The following ERMP1 variants were observed in gnomAD, a reference collection of about 807,000 sequenced individuals.
The protein encoded by ERMP1 is Felix-ina.
In ERMP1, 86 loss-of-function variants were observed where a neutral mutation model predicts 92.0. The observed-to-expected ratio is 0.93, with a 90% CI of 0.79 to 1.12. The LOEUF is 1.12. Ranked by LOEUF, ERMP1 falls within the 50% of genes most tolerant of loss-of-function variation. The pLI, the probability that ERMP1 is intolerant of heterozygous loss-of-function variation, is 0.00. For missense variants in ERMP1, 1,342 were observed against 1,116.3 expected (o/e 1.20, Z -2.88); for synonymous variants, 530 against 412.8 (o/e 1.28, Z -3.44).
intron 5 of ERMP1, 22 bp downstream of exon 5, chr9:5,812,867 G>A (rs751568651): frequency 2.5e-6 from 4 of 1,613,478 alleles, no homozygotes; most frequent in Admixed American, 1.7e-5. Flanking sequence ...TGCACAGTAG[G>A]CCGTAACCAT....
intron 10 of ERMP1, among the ~76,000 whole-genome samples, chr9:5,801,712 G>A (rs977759991): frequency 2.6e-5 from 4 of 152,178 alleles, no homozygotes; most frequent in African/African-American, 9.6e-5. Context: ...GATCTGTTTG[G>A]ACAAAACTCA....
chr9:5,832,849 G>C lies in ERMP1; in HGVS notation c.179C>G (p.Ala60Gly). The change falls in exon 1 of 15, where the codon GCG becomes GGG. Residue 60 changes from alanine (A) to glycine (G), a missense_variant. By Grantham distance (60) the Ala-to-Gly change is moderately conservative. Transcript: ENST00000339450. ...CAGCCCGGTCCCCGCGCCCCTGCTC[G>C]CGCCGCCGCTACCCCCGGGGCTCCT... is the stretch of plus-strand genomic sequence containing the variant. Reference protein sequence around the residue: ...RKRSPGGSGGASRGAGTGLSE... With the variant: ...RKRSPGGSGGGSRGAGTGLSE... The C allele has an allele frequency of 6.6e-7, 1 of 1,504,908 alleles. No homozygotes were observed. The allele number at this position is 1,504,908 out of a possible 1,614,324, so 93.2% of individuals were successfully genotyped here. A position where few individuals can be genotyped will look rare whatever the true frequency, so the allele number is the denominator to read the frequency against.
chr9:5,833,641 GGTCAA>G (rs1474885893), upstream of ERMP1, among the ~76,000 whole-genome samples: 1 of 152,172 alleles, frequency 6.6e-6, no homozygotes, highest in Non-Finnish European at 1.5e-5. Context: ...CTAAGCGCTA[GGTCAA>G]GTCCTTTAAT....
At chr9:5,821,340 T>C (rs1829528713) in intron 4 of ERMP1, among the ~76,000 whole-genome samples, 1 of 152,218 alleles carries the variant, frequency 6.6e-6, no homozygotes, top group Non-Finnish European at 1.5e-5. Context: ...CACAGCCCAG[T>C]TCTACCAGCA....
rs1464853923 is a variant in ERMP1, at chr9:5,791,377, C to G, written c.2387-3784G>C. 3 of 451,996 alleles carry G rather than the reference C, an allele frequency of 6.6e-6. No individual in the cohort carries two copies. The East Asian group carries it at 2.1e-4, about 31-fold the overall frequency. 28.0% of individuals were successfully genotyped at this position (451,996 alleles called of 1,614,324 possible). A position where few individuals can be genotyped will look rare whatever the true frequency, so the allele number is the denominator to read the frequency against. ...GGGAAGGTCAGTCTTTTTCTCAAGGCCTTCACTGACGGGATGAGGCTCACT... is the reference window on the plus strand; with the variant it reads ...GGGAAGGTCAGTCTTTTTCTCAAGGGCTTCACTGACGGGATGAGGCTCACT... On this transcript the variant is annotated intron_variant, in intron 13 of 14. Transcript: ENST00000339450.
intron 10 of ERMP1, among the ~76,000 whole-genome samples, chr9:5,802,322 T>C (rs1284673143): frequency 6.6e-6 from 1 of 152,146 alleles, no homozygotes; most frequent in African/African-American, 2.4e-5. Flanking sequence ...ACCTCCCCTT[T>C]ATGCCTTCTT....
intron 9 of ERMP1, 92 bp from the exon 10 acceptor site, chr9:5,805,309 GA>G (rs1563754880): frequency 1.1e-5 from 11 of 959,340 alleles, no homozygotes; most frequent in Middle Eastern, 3.1e-4. Context: ...TACCCTAACA[GA>G]AATTAGGTTA....
At chr9:5,843,193 G>C (rs1830187135) in intron 6 of ERMP1, among the ~76,000 whole-genome samples, 1 of 152,226 alleles carries the variant, frequency 6.6e-6, no homozygotes, top group African/African-American at 2.4e-5. Context: ...GTAAGGACTG[G>C]CGTGAACTAG....
At chr9:5,835,923 T>G (rs1286611412), upstream of ERMP1, among the ~76,000 whole-genome samples, 1 of 152,242 alleles carries the variant, frequency 6.6e-6, no homozygotes, top group Non-Finnish European at 1.5e-5. Flanking sequence ...GAACACATGC[T>G]CTAGTTCTCA....
chr9:5,831,319 C>T (rs1829930476), intron 1 of ERMP1, among the ~76,000 whole-genome samples: 1 of 152,170 alleles, frequency 6.6e-6, no homozygotes, highest in Non-Finnish European at 1.5e-5. Flanking sequence ...AAACGTGTGA[C>T]CACTGGCCAG....
intron 2 of ERMP1, among the ~76,000 whole-genome samples, chr9:5,826,091 C>G (rs1237748155): frequency 6.6e-6 from 1 of 152,130 alleles, no homozygotes; most frequent in Non-Finnish European, 1.5e-5. Context: ...TAGCTAAGAT[C>G]TGCTTCAAAA....
intron 13 of ERMP1, 71 bp from the exon 14 acceptor site, chr9:5,787,664 CCAGACTT>C: frequency 6.8e-7 from 1 of 1,468,366 alleles, no homozygotes; most frequent in Non-Finnish European, 9.3e-7. Flanking sequence ...ACAATCCAAA[CCAGACTT>C]CATAAAGGTT....
intron 10 of ERMP1, among the ~76,000 whole-genome samples, chr9:5,803,425 T>C (rs531028362): frequency 6.6e-6 from 1 of 152,300 alleles, no homozygotes; most frequent in South Asian, 2.1e-4. Context: ...GTTTCCAAGA[T>C]TTCCATGCTT....
At chr9:5,824,095 G>A (rs1829644743) in intron 3 of ERMP1, 94 bp from the exon 4 acceptor site, 1 of 892,476 alleles carries the variant, frequency 1.1e-6, no homozygotes, top group South Asian at 1.6e-5. Context: ...CTTTGATGAG[G>A]TAAGGAATAT....
intron 13 of ERMP1, among the ~76,000 whole-genome samples, chr9:5,789,779 G>A (rs554409468): frequency 6.6e-6 from 1 of 151,932 alleles, no homozygotes; most frequent in Non-Finnish European, 1.5e-5. Context: ...GACTTCCTTG[G>A]CTTGAGCAAT....
chr9:5,864,272 T>C (rs939299423), intron 5 of ERMP1, among the ~76,000 whole-genome samples: 2 of 152,186 alleles, frequency 1.3e-5, no homozygotes, highest in Non-Finnish European at 2.9e-5. Flanking sequence ...GTTCTGTTCC[T>C]CTAGTCTCCC....
chr9:5,825,815 T>G (rs1180479187), intron 2 of ERMP1, among the ~76,000 whole-genome samples: 3 of 152,226 alleles, frequency 2.0e-5, no homozygotes, highest in African/African-American at 7.2e-5. Context: ...AGTAGTATCC[T>G]AGGTCCCAGA....
Position 5,797,852 on chromosome 9 carries a change from G to A in ERMP1, c.2351C>T (p.Pro784Leu), listed in dbSNP as rs1258252882. The change falls in exon 13 of 15, where the codon CCT (proline) becomes CTT (leucine). Residue 784 changes from proline to leucine, a missense_variant. Pro to Leu is a moderately conservative substitution (Grantham distance 98). Coordinates refer to ENST00000339450, the MANE Select transcript of ERMP1 (RefSeq NM_024896.3). Reference protein sequence around the residue: ...HFRLISKEQTPWDSIKLTFEA... With the variant: ...HFRLISKEQTLWDSIKLTFEA... ...AAAAGTCAATTTTATAGAATCCCAA[G>A]GTGTCTGTTCTTTGGATATGAGTCG... 3 of 1,612,956 alleles carry A rather than the reference G, an allele frequency of 1.9e-6. No individual in the cohort carries two copies. Among genetic ancestry groups the A allele is most frequent in the Admixed American group, 3.3e-5 (2 of 59,888 alleles).
intron 5 of ERMP1, 61 bp downstream of exon 5, chr9:5,812,828 T>C (rs1563760875): frequency 1.9e-6 from 3 of 1,584,414 alleles, no homozygotes; most frequent in East Asian, 2.2e-5. Flanking sequence ...ACTTTCAAGA[T>C]TTAAAATTTG....
Sources: allele counts gnomAD v4.1 joint callset (sites outside exome capture counted in the v4.1 genomes callset), GRCh38; gene constraint gnomAD v4.1.1; transcripts MANE v1.5; gene names NCBI Gene and HGNC (gene_info 2026-07-23, HGNC 2026-07-21).